The following ZMIZ1 variants were observed in gnomAD, a reference collection of about 807,000 sequenced individuals.
ZMIZ1 encodes zinc finger MIZ-type containing 1.
A neutral mutation model predicts 113.9 loss-of-function variants in ZMIZ1; 17 were observed. The ratio of observed to expected loss-of-function variants is 0.15; its 90% confidence interval spans 0.10 to 0.22. ZMIZ1 has a LOEUF of 0.22. ZMIZ1 is among the 10% of genes least tolerant of loss of function. The probability of loss-of-function intolerance (pLI) is 1.00; values close to 1 mark genes in which losing one functional copy is unlikely to be tolerated. For missense variants in ZMIZ1, 1,059 were observed against 1,477.8 expected (o/e 0.72, Z 4.65); for synonymous variants, 607 against 603.1 (o/e 1.01, Z -0.09).
chr10:79,298,112 C>T (rs149281456), intron 14 of ZMIZ1, among the ~76,000 whole-genome samples: 4,885 of 152,218 alleles, frequency 0.032, 131 homozygotes, highest in Middle Eastern at 0.058. Flanking sequence ...TGAGCAAGTC[C>T]CCAACCCTGA....
At chr10:79,131,209 A>G (rs560719617) in intron 2 of ZMIZ1, among the ~76,000 whole-genome samples, 5 of 152,188 alleles carry the variant, frequency 3.3e-5, no homozygotes, top group Non-Finnish European at 7.4e-5. Context: ...TCCAAGAACA[A>G]TGCAGCAATG....
Position 79,166,795 on chromosome 10 carries a change from T to C in ZMIZ1, c.-50+4662T>C, listed in dbSNP as rs570393633. ...GTAGGCCCAGAGGGTCTCAGTGGCCTGTGAGGGGCAGAGGCCCCACCACTC... is the reference window on the plus strand; with the variant it reads ...GTAGGCCCAGAGGGTCTCAGTGGCCCGTGAGGGGCAGAGGCCCCACCACTC... On this transcript the variant is annotated intron_variant, in intron 4 of 24. Coordinates refer to ENST00000334512, the MANE Select transcript of ZMIZ1 (RefSeq NM_020338.4). Among the ~76,000 whole-genome samples, 704 of 152,346 alleles carry C rather than the reference T, an allele frequency of 4.6e-3. 2 individuals are homozygous for C. Among genetic ancestry groups the C allele is most frequent in the Non-Finnish European group, 7.4e-3 (502 of 68,018 alleles).
rs1275629565 is a variant in ZMIZ1 at position 79,240,124 on chromosome 10, T to C, written c.280+23850T>C. 2.6e-5 allele frequency among the ~76,000 whole-genome samples: 4 copies of C among 152,156 alleles called. No homozygotes were observed. The East Asian group carries it at 5.8e-4, about 22-fold the overall frequency. ...CCGCTATTGATCCTCGCGTCAGGCCTCCCAAGCGCTGGCGGGCATTCATCA... is the reference window on the plus strand; with the variant it reads ...CCGCTATTGATCCTCGCGTCAGGCCCCCCAAGCGCTGGCGGGCATTCATCA... On this transcript the variant is annotated intron_variant, in intron 7 of 24. Coordinates refer to ENST00000334512, the MANE Select transcript of ZMIZ1 (RefSeq NM_020338.4).
intron 2 of ZMIZ1, among the ~76,000 whole-genome samples, chr10:79,131,425 G>A (rs1274070559): frequency 6.6e-6 from 1 of 152,070 alleles, no homozygotes; most frequent in Non-Finnish European, 1.5e-5. Context: ...CTGAGCTGTC[G>A]TGCCTGTTTT....
In ZMIZ1 at chr10:79,118,702, C is replaced by T. The variant is rs1050831698; in HGVS notation, c.-336-213C>T. ...TTTCAGGGCTGCGGGGCTGCTCGGC[C>T]GGTGCTGGGGCTTCGAATGTGACGT... is the stretch of plus-strand genomic sequence containing the variant. On this transcript the variant is annotated intron_variant, in intron 1 of 24. Coordinates refer to ENST00000334512, the MANE Select transcript of ZMIZ1 (RefSeq NM_020338.4). This position sits in a 1 kb window ranked among gnomAD's most constrained non-coding sequence, Gnocchi z 4.1. Among the ~76,000 whole-genome samples the T allele has an allele frequency of 1.3e-5, 2 of 152,154 alleles. No individual in the cohort carries two copies. Among genetic ancestry groups the T allele is most frequent in the Non-Finnish European group, 2.9e-5 (2 of 68,018 alleles).
At chr10:79,300,987 G>T (rs756881506) in intron 17 of ZMIZ1, 45 bp downstream of exon 17, 98 of 1,598,164 alleles carry the variant, frequency 6.1e-5, no homozygotes, top group Non-Finnish European at 7.0e-5. Flanking sequence ...GGCAGGCCCT[G>T]TTTCACGGCA....
intron 16 of ZMIZ1, among the ~76,000 whole-genome samples, chr10:79,299,585 C>T (rs931648680): frequency 5.3e-5 from 8 of 152,224 alleles, no homozygotes; most frequent in African/African-American, 1.2e-4. Context: ...AGGGCCAGGC[C>T]GGGGTCAGGC....
At chr10:79,310,628 G>A (rs968044592) in intron 23 of ZMIZ1, among the ~76,000 whole-genome samples, 1 of 152,032 alleles carries the variant, frequency 6.6e-6, no homozygotes, top group East Asian at 1.9e-4. Context: ...GGGGCCTGGG[G>A]GAGCCCAGGC....
intron 7 of ZMIZ1, among the ~76,000 whole-genome samples, chr10:79,268,664 A>G (rs1851749218): frequency 6.6e-6 from 1 of 152,178 alleles, no homozygotes; most frequent in South Asian, 2.1e-4. Context: ...GTCGCTACGG[A>G]GCACCATGGC....
At chr10:79,197,959 C>T (rs554645808) in intron 4 of ZMIZ1, among the ~76,000 whole-genome samples, 2 of 152,164 alleles carry the variant, frequency 1.3e-5, no homozygotes, top group East Asian at 1.9e-4. Context: ...CGCACAGTGT[C>T]GTTATTAAAA....
At chr10:79,310,119 T>A (rs774464725) in intron 23 of ZMIZ1, among the ~76,000 whole-genome samples, 2 of 152,136 alleles carry the variant, frequency 1.3e-5, no homozygotes, top group Non-Finnish European at 2.9e-5. Context: ...AGCCTCACCC[T>A]CAGCAAGACA....
At chr10:79,166,545 C>T (rs970333735) in intron 4 of ZMIZ1, among the ~76,000 whole-genome samples, 4 of 152,218 alleles carry the variant, frequency 2.6e-5, no homozygotes, top group Admixed American at 6.5e-5. Flanking sequence ...CCTGTACCGT[C>T]CTGGGCATGT....
chr10:79,110,211 A>G (rs545252741), intron 1 of ZMIZ1, among the ~76,000 whole-genome samples: 1 of 152,364 alleles, frequency 6.6e-6, no homozygotes, highest in Admixed American at 6.5e-5. Context: ...TCGTAGTAGT[A>G]TCCATCTCCT....
intron 1 of ZMIZ1, among the ~76,000 whole-genome samples, chr10:79,114,480 T>TGTGTGTGTGTGC (rs1564658332): frequency 7.8e-5 from 9 of 116,012 alleles, no homozygotes; most frequent in African/African-American, 3.3e-4. Context: ...TGTGTGTCTG[T>TGTGTGTGTGTGC]GTGTGTGTGT....
chr10:79,186,528 T>C (rs540562470), intron 4 of ZMIZ1, among the ~76,000 whole-genome samples: 2 of 152,358 alleles, frequency 1.3e-5, no homozygotes, highest in East Asian at 3.9e-4. Context: ...CAGATCTTGC[T>C]ATTAGCATGA....
Position 79,139,747 on chromosome 10 carries a change from T to G in ZMIZ1, c.-161T>G. The G allele has an allele frequency of 2.5e-6, 1 of 398,772 alleles. No individual in the cohort carries two copies. The highest frequency in any genetic ancestry group is 4.4e-6 in the Non-Finnish European group (1 of 226,198). 24.7% of individuals were successfully genotyped at this position (398,772 alleles called of 1,614,324 possible). A position where few individuals can be genotyped will look rare whatever the true frequency, so the allele number is the denominator to read the frequency against. ...CAAGGGGTGTGAGGAGAGGAGCCGC[T>G]GTTTTTCACTGAGCTGCCATACCCC... On this transcript the variant is annotated 5_prime_UTR_variant, in exon 3 of 25. Transcript: ENST00000334512.
intron 20 of ZMIZ1, 118 bp from the exon 21 acceptor site, chr10:79,305,415 T>A: frequency 7.8e-7 from 1 of 1,278,894 alleles, no homozygotes; most frequent in Non-Finnish European, 1.1e-6. Context: ...CCCTCTCTTG[T>A]GCCTCCAGTA....
chr10:79,300,843 G>A lies in ZMIZ1; in HGVS notation c.1920G>A (p.Glu640=). Residue 640 remains glutamate (E), a synonymous_variant, in exon 17 of 25, where the codon GAG becomes GAA. Coordinates refer to ENST00000334512, the MANE Select transcript of ZMIZ1 (RefSeq NM_020338.4). ...VSVNATPLTI[E]RGDNKTSHKP... ...TGAACGCCACGCCCCTCACCATTGA[G>A]CGCGGCGACAACAAGACCTCCCACA... is the stretch of plus-strand genomic sequence containing the variant. 6.2e-7 allele frequency: 1 copy of A among 1,613,754 alleles called. No homozygotes were observed. The highest frequency in any genetic ancestry group is 8.5e-7 in the Non-Finnish European group (1 of 1,179,990).
chr10:79,156,208 G>A (rs7899140), intron 3 of ZMIZ1, among the ~76,000 whole-genome samples: 120,806 of 152,164 alleles, frequency 0.79, 48,407 homozygotes, highest in African/African-American at 0.88. Context: ...CCCCATTTTT[G>A]AAATGAGGAA....
Sources: allele counts gnomAD v4.1 joint callset (sites outside exome capture counted in the v4.1 genomes callset), GRCh38; gene constraint gnomAD v4.1.1; non-coding constraint Gnocchi (gnomAD v3.1); transcripts MANE v1.5; gene names NCBI Gene and HGNC (gene_info 2026-07-23, HGNC 2026-07-21).